Variants in CHRM3 observed in about 807,000 individuals in gnomAD.
CHRM3 encodes the protein muscarinic acetylcholine receptor M3.
In CHRM3, 11 loss-of-function variants were observed where a neutral mutation model predicts 41.8. The ratio of observed to expected loss-of-function variants is 0.26; its 90% CI spans 0.17 to 0.44. The LOEUF (loss-of-function observed/expected upper bound fraction) is 0.44, where lower values mean the gene tolerates loss of function less well. Ranked by LOEUF, CHRM3 falls within the 20% of genes least tolerant of loss-of-function variation. The pLI is 1.00. For missense variants in CHRM3, 571 were observed against 745.4 expected (o/e 0.77, Z 2.72); for synonymous variants, 297 against 301.4 (o/e 0.99, Z 0.15).
At chr1:239,694,743 G>T (rs1660022300) in intron 5 of CHRM3, among the ~76,000 whole-genome samples, 1 of 152,090 alleles carries the variant, frequency 6.6e-6, no homozygotes, top group South Asian at 2.1e-4. Context: ...TGTATTTTAA[G>T]ATAAACAATA....
chr1:239,610,446 C>G (rs1666887686), intron 3 of CHRM3, among the ~76,000 whole-genome samples: 1 of 151,970 alleles, frequency 6.6e-6, no homozygotes, highest in Non-Finnish European at 1.5e-5. Flanking sequence ...CATTACTGTC[C>G]CATTTCTCAT....
chr1:239,799,426 C>T (rs768327655), intron 5 of CHRM3, among the ~76,000 whole-genome samples: 1 of 152,112 alleles, frequency 6.6e-6, no homozygotes, highest in Non-Finnish European at 1.5e-5. Flanking sequence ...GGGGCAGGAT[C>T]GAACACGCTG....
chr1:239,798,872 G>A (rs969546787), intron 5 of CHRM3, among the ~76,000 whole-genome samples: 1 of 152,146 alleles, frequency 6.6e-6, no homozygotes, highest in African/African-American at 2.4e-5. Flanking sequence ...TGTGGGACAT[G>A]TATTATTTGA....
chr1:239,878,696 G>A (rs1038757596), intron 6 of CHRM3, among the ~76,000 whole-genome samples: 5 of 151,908 alleles, frequency 3.3e-5, no homozygotes, highest in Admixed American at 6.6e-5. Flanking sequence ...GGGCCAGGTA[G>A]CTTGTCGGAC....
chr1:239,724,564 G>A (rs1006560208), intron 5 of CHRM3, among the ~76,000 whole-genome samples: 1 of 151,890 alleles, frequency 6.6e-6, no homozygotes, highest in Non-Finnish European at 1.5e-5. Flanking sequence ...GGATTATAGA[G>A]GTGAAGTGCT....
chr1:239,772,728 C>G (rs949446342), intron 5 of CHRM3, among the ~76,000 whole-genome samples: 2 of 152,144 alleles, frequency 1.3e-5, no homozygotes, highest in African/African-American at 2.4e-5. Flanking sequence ...GACTCCCTCT[C>G]TATACAATTA....
intron 5 of CHRM3, among the ~76,000 whole-genome samples, chr1:239,775,282 A>G (rs1668003505): frequency 6.6e-6 from 1 of 152,152 alleles, no homozygotes; most frequent in African/African-American, 2.4e-5. Flanking sequence ...CTGTCTGAAA[A>G]GCATTTGGGA....
At chr1:239,847,807 C>G (rs1450458671) in intron 6 of CHRM3, among the ~76,000 whole-genome samples, 1 of 151,982 alleles carries the variant, frequency 6.6e-6, no homozygotes, top group Non-Finnish European at 1.5e-5. Flanking sequence ...CCCAGCTACT[C>G]TAGAGGCTGA....
At chr1:239,549,520 G>T (rs1659612855) in intron 3 of CHRM3, among the ~76,000 whole-genome samples, 1 of 150,938 alleles carries the variant, frequency 6.6e-6, no homozygotes, top group South Asian at 2.1e-4. Context: ...AAATAGCCAG[G>T]TGTGGTGGCA....
intron 5 of CHRM3, among the ~76,000 whole-genome samples, chr1:239,743,788 C>CTTTTTTT (rs10718514): frequency 2.7e-4 from 22 of 81,178 alleles, no homozygotes; most frequent in South Asian, 1.7e-3. Context: ...TTTTTTTTTT[C>CTTTTTTT]TTTTTTTTTT....
At chr1:239,434,729 G>A (rs1404008105) in intron 1 of CHRM3, among the ~76,000 whole-genome samples, 3 of 152,104 alleles carry the variant, frequency 2.0e-5, no homozygotes, top group African/African-American at 7.2e-5. Context: ...GAATTTATAT[G>A]CTAGCATAAT....
intron 1 of CHRM3, among the ~76,000 whole-genome samples, chr1:239,402,469 T>C (rs535442713): frequency 6.6e-6 from 1 of 152,302 alleles, no homozygotes; most frequent in Non-Finnish European, 1.5e-5. Flanking sequence ...ATTTTACGGT[T>C]CTGTAACAAG....
chr1:239,589,905 T>C (rs1266205196), intron 3 of CHRM3, among the ~76,000 whole-genome samples: 3 of 152,066 alleles, frequency 2.0e-5, no homozygotes, highest in Non-Finnish European at 4.4e-5. Flanking sequence ...CAAGATTATG[T>C]GTATTTAAAT....
intron 1 of CHRM3, among the ~76,000 whole-genome samples, chr1:239,408,971 C>A (rs984242594): frequency 6.6e-6 from 1 of 152,086 alleles, no homozygotes; most frequent in Non-Finnish European, 1.5e-5. Flanking sequence ...TTACATTACT[C>A]GGCTGGTCTC....
chr1:239,507,105 T>A (rs1174998219), intron 2 of CHRM3, among the ~76,000 whole-genome samples: 1 of 152,156 alleles, frequency 6.6e-6, no homozygotes, highest in East Asian at 1.9e-4. Flanking sequence ...CATTGGACTG[T>A]GGACTTTTGA....
intron 1 of CHRM3, among the ~76,000 whole-genome samples, chr1:239,437,372 A>G (rs1299298734): frequency 6.6e-6 from 1 of 152,164 alleles, no homozygotes; most frequent in Admixed American, 6.5e-5. Flanking sequence ...GATTATAGGC[A>G]TGAGCCACCA....
intron 2 of CHRM3, among the ~76,000 whole-genome samples, chr1:239,521,296 T>A (rs988784653): frequency 5.3e-5 from 8 of 152,162 alleles, no homozygotes; most frequent in African/African-American, 1.9e-4. Flanking sequence ...CCTATTTCCA[T>A]GCAAGAGGAG....
intron 5 of CHRM3, among the ~76,000 whole-genome samples, chr1:239,729,382 C>T (rs773309363): frequency 5.3e-5 from 8 of 151,790 alleles, no homozygotes; most frequent in Non-Finnish European, 1.0e-4. Context: ...AGCTGAACTG[C>T]GTACTTCTTT....
intron 2 of CHRM3, among the ~76,000 whole-genome samples, chr1:239,532,177 A>G (rs184810312): frequency 8.7e-4 from 125 of 144,252 alleles, no homozygotes; most frequent in African/African-American, 3.1e-3. Context: ...ACGCCCGGCT[A>G]ATTATTTGTA....
Sources: gnomAD v4.1 joint callset for allele counts (sites outside exome capture counted in the v4.1 genomes callset) on GRCh38, gnomAD v4.1.1 for gene constraint, MANE v1.5 for transcripts, NCBI Gene and HGNC (gene_info 2026-07-23, HGNC 2026-07-21) for gene names.